ADK: variants seen among roughly 807,000 people sequenced by gnomAD.
ADK encodes the protein N6,N6-dimethyladenosine kinase.
Under a neutral mutation model 44.7 loss-of-function variants are expected in ADK, and 24 were observed. The observed-to-expected ratio is 0.54, with a 90% CI of 0.39 to 0.76. The LOEUF (loss-of-function observed/expected upper bound fraction) is 0.76, where lower values mean the gene tolerates loss of function less well. Among genes scored for constraint, ADK ranks in the 30% least tolerant of loss-of-function variants. The pLI is 0.00. For missense variants in ADK, 321 were observed against 425.1 expected (o/e 0.76, Z 2.15); for synonymous variants, 128 against 142.6 (o/e 0.90, Z 0.73).
intron 1 of ADK, among the ~76,000 whole-genome samples, chr10:74,190,026 G>T (rs962163451): frequency 1.3e-5 from 2 of 151,888 alleles, no homozygotes; most frequent in Non-Finnish European, 2.9e-5. Context: ...TTCACTTTTG[G>T]GCTGCTATGA....
chr10:74,676,608 C>T (rs1221767291), intron 10 of ADK, among the ~76,000 whole-genome samples: 2 of 152,100 alleles, frequency 1.3e-5, no homozygotes, highest in African/African-American at 4.8e-5. Flanking sequence ...TCCCGAGTAG[C>T]TGGGACTACA....
intron 6 of ADK, among the ~76,000 whole-genome samples, chr10:74,411,508 C>A (rs988299216): frequency 2.6e-5 from 4 of 152,162 alleles, no homozygotes; most frequent in Non-Finnish European, 4.4e-5. Context: ...TGTGTGGTAG[C>A]ATTACATCTT....
At chr10:74,375,914 C>T (rs1310284810) in intron 4 of ADK, among the ~76,000 whole-genome samples, 5 of 151,662 alleles carry the variant, frequency 3.3e-5, no homozygotes, top group South Asian at 2.1e-4. Flanking sequence ...TTTGTTGTTG[C>T]TGCTGTTGTT....
intron 7 of ADK, among the ~76,000 whole-genome samples, chr10:74,543,295 T>C (rs909473372): frequency 6.6e-6 from 1 of 151,916 alleles, no homozygotes; most frequent in African/African-American, 2.4e-5. Flanking sequence ...CCTCCTGCAA[T>C]CCTTCTGCCT....
chr10:74,264,868 T>C lies in ADK; in HGVS notation c.194+40277T>C, dbSNP rs1028267349. Among the ~76,000 whole-genome samples, 9 of 152,284 alleles carry C rather than the reference T, an allele frequency of 5.9e-5. No individual in the cohort carries two copies. In the East Asian group the frequency reaches 1.4e-3, roughly 23 times the overall value. ...TCTGAAAACTTCATTGCCTTAATAG[T>C]TTTTTGTTTGCATGGGGGTCAATTT... On this transcript the variant is annotated intron_variant, in intron 3 of 10. Transcript: ENST00000539909.
intron 10 of ADK, among the ~76,000 whole-genome samples, chr10:74,674,315 A>G (rs1449210090): frequency 6.6e-6 from 1 of 152,204 alleles, no homozygotes; most frequent in Non-Finnish European, 1.5e-5. Context: ...CCACACCAGC[A>G]GGAGCCTTTC....
intron 4 of ADK, among the ~76,000 whole-genome samples, chr10:74,360,190 G>A (rs1175274341): frequency 6.6e-6 from 1 of 152,038 alleles, no homozygotes; most frequent in Non-Finnish European, 1.5e-5. Flanking sequence ...TAGCTTCACT[G>A]TTTGAAGTTA....
intron 3 of ADK, among the ~76,000 whole-genome samples, chr10:74,247,481 C>G (rs567179356): frequency 3.9e-5 from 6 of 152,042 alleles, no homozygotes; most frequent in African/African-American, 1.4e-4. Context: ...AAGTGATCAG[C>G]TAGCCTTGAC....
At chr10:74,329,910 C>A (rs1841159552) in intron 4 of ADK, among the ~76,000 whole-genome samples, 2 of 151,768 alleles carry the variant, frequency 1.3e-5, no homozygotes, top group South Asian at 4.2e-4. Context: ...GCTTATAATC[C>A]CAGCACTTTG....
chr10:74,302,798 A>G (rs1303580811), intron 3 of ADK, among the ~76,000 whole-genome samples: 1 of 152,160 alleles, frequency 6.6e-6, no homozygotes, highest in Non-Finnish European at 1.5e-5. Flanking sequence ...CCTGTCTCAA[A>G]AAAAGGAAAC....
intron 3 of ADK, among the ~76,000 whole-genome samples, chr10:74,308,376 C>T (rs938618481): frequency 3.3e-5 from 5 of 152,004 alleles, no homozygotes; most frequent in East Asian, 1.9e-4. Context: ...TTACTTTTTC[C>T]GTCTTTTAAA....
At chr10:74,555,451 A>ATAGT (rs972657263) in intron 7 of ADK, among the ~76,000 whole-genome samples, 5 of 152,074 alleles carry the variant, frequency 3.3e-5, no homozygotes, top group Non-Finnish European at 5.9e-5. Flanking sequence ...AAACTTACTA[A>ATAGT]GATTTCTATC....
chr10:74,522,851 C>T (rs1848891902), intron 6 of ADK, among the ~76,000 whole-genome samples: 1 of 152,138 alleles, frequency 6.6e-6, no homozygotes, highest in African/African-American at 2.4e-5. Flanking sequence ...ATTATCCTCT[C>T]TCCCTTGCCT....
chr10:74,382,683 A>G (rs1843011794), intron 4 of ADK, among the ~76,000 whole-genome samples: 1 of 152,136 alleles, frequency 6.6e-6, no homozygotes, highest in African/African-American at 2.4e-5. Flanking sequence ...TATAAGATAC[A>G]GTATTTTAAA....
At chr10:74,205,979 A>T (rs987695994) in intron 2 of ADK, among the ~76,000 whole-genome samples, 6 of 152,212 alleles carry the variant, frequency 3.9e-5, no homozygotes, top group Admixed American at 3.3e-4. Context: ...TGTCAGTTAT[A>T]TATCAAAGGC....
At chr10:74,658,255 GA>G (rs1335289684) in intron 9 of ADK, among the ~76,000 whole-genome samples, 2 of 152,108 alleles carry the variant, frequency 1.3e-5, no homozygotes, top group East Asian at 3.8e-4. Context: ...GCAATCATCA[GA>G]AAAAAATATT....
chr10:74,454,673 ATAATT>A (rs945659873), intron 6 of ADK, among the ~76,000 whole-genome samples: 2 of 152,212 alleles, frequency 1.3e-5, no homozygotes, highest in Non-Finnish European at 2.9e-5. Context: ...AAAGTATACT[ATAATT>A]TAAGTGTAAG....
Position 74,421,044 on chromosome 10 carries a change from T to C in ADK, c.555+22465T>C, listed in dbSNP as rs537215173. Among the ~76,000 whole-genome samples the C allele has an allele frequency of 2.0e-5, 3 of 152,268 alleles. No homozygotes were observed. In the East Asian group the frequency reaches 5.8e-4, roughly 29 times the overall value. On this transcript the variant is annotated intron_variant, in intron 6 of 10. Coordinates refer to ENST00000539909, the MANE Select transcript of ADK (RefSeq NM_006721.4). ...AAGGGTTAATTTTAATGTATGCAGG[T>C]TTTTTAAATGTTAGGGATTTCAGGA...
chr10:74,575,806 T>G (rs1333939431), intron 7 of ADK, among the ~76,000 whole-genome samples: 11 of 152,156 alleles, frequency 7.2e-5, no homozygotes, highest in Non-Finnish European at 1.5e-5. Flanking sequence ...ATCTAACAGT[T>G]GTGTGCAAGG....
Sources: allele counts gnomAD v4.1 joint callset (sites outside exome capture counted in the v4.1 genomes callset), GRCh38; gene constraint gnomAD v4.1.1; transcripts MANE v1.5; gene names NCBI Gene and HGNC (gene_info 2026-07-23, HGNC 2026-07-21).